The following EYS variants were observed in gnomAD, a reference collection of about 807,000 sequenced individuals.
The protein encoded by EYS is protein eyes shut homolog.
Under a neutral mutation model 282.1 loss-of-function variants are expected in EYS, and 250 were observed. The observed-to-expected ratio is 0.89, with a 90% CI of 0.80 to 0.98. The LOEUF (loss-of-function observed/expected upper bound fraction) is 0.98. Among genes scored for constraint, EYS ranks in the 50% least tolerant of loss-of-function variants. The pLI is 0.00. For synonymous variants in EYS, 1,355 were observed against 1,282.9 expected (o/e 1.06, Z -1.20); for missense variants, 4,016 against 3,709.0 (o/e 1.08, Z -2.15).
At chr6:65,290,117 C>T (rs995910382) in intron 12 of EYS, among the ~76,000 whole-genome samples, 1 of 150,782 alleles carries the variant, frequency 6.6e-6, no homozygotes. Context: ...ATTTGTAGCT[C>T]CAAACTTGTT....
At chr6:64,412,525 C>T (rs1374084523) in intron 28 of EYS, 1 of 152,042 alleles carries the variant, frequency 6.6e-6, no homozygotes, top group Non-Finnish European at 1.5e-5. Flanking sequence ...AAGGAGAAGG[C>T]ATTTGAGATG....
At chr6:64,033,108 A>G (rs1330190551) in intron 33 of EYS, among the ~76,000 whole-genome samples, 1 of 152,240 alleles carries the variant, frequency 6.6e-6, no homozygotes. Context: ...AGCTAGAGAC[A>G]GAAACCACAT....
chr6:64,242,099 G>A (rs1562268564), intron 30 of EYS, among the ~76,000 whole-genome samples: 1 of 152,024 alleles, frequency 6.6e-6, no homozygotes, highest in East Asian at 1.9e-4. Context: ...TGGTCAATTT[G>A]AGAATAAGTG....
At chr6:64,998,861 T>A (rs1379287985) in intron 13 of EYS, among the ~76,000 whole-genome samples, 3 of 152,208 alleles carry the variant, frequency 2.0e-5, no homozygotes, top group Non-Finnish European at 2.9e-5. Context: ...ATAACAATAT[T>A]TAAAATTATC....
intron 9 of EYS, among the ~76,000 whole-genome samples, chr6:65,346,761 C>A (rs537612998): frequency 6.6e-6 from 1 of 151,846 alleles, no homozygotes; most frequent in African/African-American, 2.4e-5. Context: ...CAAGAACATA[C>A]TATGTAAACG....
chr6:64,942,343 C>T (rs1486111222), intron 15 of EYS, among the ~76,000 whole-genome samples: 4 of 143,222 alleles, frequency 2.8e-5, no homozygotes, highest in Non-Finnish European at 6.1e-5. Context: ...TAATTCCAAA[C>T]CTAGCAAAAG....
At chr6:65,457,138 TTTG>T (rs143012118) in intron 5 of EYS, among the ~76,000 whole-genome samples, 155 of 151,550 alleles carry the variant, frequency 1.0e-3, no homozygotes, top group African/African-American at 2.7e-3. Flanking sequence ...TTTTCTCTCT[TTTG>T]TTGTTGTTGT....
chr6:64,801,103 C>T (rs1227848584), intron 22 of EYS, among the ~76,000 whole-genome samples: 3 of 151,840 alleles, frequency 2.0e-5, no homozygotes. Context: ...TACATCCTTA[C>T]TTTCAAAAGG....
intron 1 of EYS, among the ~76,000 whole-genome samples, chr6:65,671,501 G>GA (rs535553228): frequency 3.3e-5 from 5 of 151,818 alleles, no homozygotes; most frequent in East Asian, 3.9e-4. Flanking sequence ...ATAACTAATG[G>GA]AAAAAAAATT....
At chr6:64,437,052 C>A (rs1002158678) in intron 27 of EYS, among the ~76,000 whole-genome samples, 5 of 151,706 alleles carry the variant, frequency 3.3e-5, no homozygotes, top group African/African-American at 1.2e-4. Flanking sequence ...CAAATCCTCT[C>A]ACATATAGTC....
intron 2 of EYS, among the ~76,000 whole-genome samples, chr6:65,621,066 G>A (rs893359537): frequency 5.9e-5 from 9 of 152,104 alleles, no homozygotes; most frequent in Middle Eastern, 3.2e-3. Flanking sequence ...ATATCTATTA[G>A]GTCTGCTTGG....
intron 39 of EYS, among the ~76,000 whole-genome samples, chr6:63,784,690 CA>C (rs1770321098): frequency 6.6e-6 from 1 of 151,836 alleles, no homozygotes; most frequent in African/African-American, 2.4e-5. Flanking sequence ...AATCTACCCC[CA>C]TGATCCAAAC....
chr6:65,643,726 G>A (rs1375085322), intron 1 of EYS, among the ~76,000 whole-genome samples: 2 of 152,044 alleles, frequency 1.3e-5, no homozygotes. Flanking sequence ...ATCCACAGCT[G>A]AAAGACCTGA....
intron 24 of EYS, among the ~76,000 whole-genome samples, chr6:64,612,945 A>G (rs1278809851): frequency 6.6e-6 from 1 of 152,136 alleles, no homozygotes; most frequent in Non-Finnish European, 1.5e-5. Context: ...TCAGGTGAAC[A>G]TAAAAGGATT....
At chr6:64,786,629 T>C (rs1446777804) in intron 22 of EYS, among the ~76,000 whole-genome samples, 1 of 152,172 alleles carries the variant, frequency 6.6e-6, no homozygotes, top group African/African-American at 2.4e-5. Flanking sequence ...CTGGGTCATA[T>C]TAGGTAATTT....
At chr6:65,073,243 A>C (rs1274184691) in intron 12 of EYS, among the ~76,000 whole-genome samples, 2 of 151,882 alleles carry the variant, frequency 1.3e-5, no homozygotes, top group African/African-American at 4.8e-5. Context: ...TTATGCCAGA[A>C]AAAATGATAT....
intron 33 of EYS, among the ~76,000 whole-genome samples, chr6:64,059,886 A>G (rs1365983387): frequency 6.6e-6 from 1 of 152,170 alleles, no homozygotes; most frequent in Non-Finnish European, 1.5e-5. Context: ...ATGATAAAGT[A>G]TTACCTATAT....
intron 14 of EYS, among the ~76,000 whole-genome samples, chr6:64,959,188 C>T (rs962299867): frequency 2.0e-5 from 3 of 152,084 alleles, no homozygotes; most frequent in Non-Finnish European, 4.4e-5. Flanking sequence ...GCTACAATTT[C>T]GAATATCCCT....
At chr6:64,117,333 C>A (rs1008624277) in intron 31 of EYS, among the ~76,000 whole-genome samples, 1 of 149,270 alleles carries the variant, frequency 6.7e-6, no homozygotes, top group Non-Finnish European at 1.5e-5. Flanking sequence ...GAACAACCCC[C>A]CCCCCAATTA....
Sources: gnomAD v4.1 joint callset for allele counts (sites outside exome capture counted in the v4.1 genomes callset) on GRCh38, gnomAD v4.1.1 for gene constraint, MANE v1.5 for transcripts, NCBI Gene and HGNC (gene_info 2026-07-23, HGNC 2026-07-21) for gene names.